PCDHB12: variants seen among roughly 807,000 people sequenced by gnomAD.
PCDHB12 encodes protocadherin beta 12, also known as protocadherin beta-12.
For synonymous variants in PCDHB12, 560 were observed against 445.2 expected (o/e 1.26, Z -3.24); for missense variants, 1,192 against 998.2 (o/e 1.19, Z -2.62).
In PCDHB12 at chr5:141,211,388, C is replaced by G. The variant is rs1754459326; in HGVS notation, c.*93C>G. On this transcript the variant is annotated 3_prime_UTR_variant, in exon 1 of 1. Transcript: ENST00000239450. The stretch of plus-strand genomic sequence containing the variant: ...TGTAAAGTAGTATTTTTGATCACTT[C>G]AAATACATACTCTTCAAGTCAAGAA... 5 of 1,178,152 alleles carry G rather than the reference C, an allele frequency of 4.2e-6. No individual in the cohort carries two copies. Among genetic ancestry groups the G allele is most frequent in the Non-Finnish European group, 6.1e-6 (5 of 817,586 alleles). The allele number at this position is 1,178,152 out of a possible 1,614,324, so 73.0% of individuals were successfully genotyped here.
chr5:141,210,353 C>G lies in PCDHB12; in HGVS notation c.1446C>G (p.Thr482=). 1.9e-6 allele frequency: 3 copies of G among 1,613,042 alleles called. No individual in the cohort carries two copies. The highest frequency in any genetic ancestry group is 2.5e-6 in the Non-Finnish European group (3 of 1,180,026). Residue 482 remains threonine, a synonymous_variant, in exon 1 of 1, where the codon ACC becomes ACG. Coordinates refer to ENST00000239450, the MANE Select transcript of PCDHB12 (RefSeq NM_018932.4). ...GCGCCACAGACAGAGACTCGGGCAC[C>G]AACGCCCAGGTCAACTACTCGCTGC... is the stretch of plus-strand genomic sequence containing the variant. ...SISATDRDSG[T]NAQVNYSLLP...
Position 141,209,729 on chromosome 5 carries a change from C to A in PCDHB12, c.822C>A (p.Asn274Lys), listed in dbSNP as rs782792458. 6.2e-7 allele frequency: 1 copy of A among 1,614,208 alleles called. No individual in the cohort carries two copies. Among genetic ancestry groups the A allele is most frequent in the Admixed American group, 1.7e-5 (1 of 60,022 alleles). ...CCTGGGATTTAGACTCTGGAACAAA[C>A]AGTGAACTATCCTATACCTTTTCCC... ...VSAWDLDSGT[N>K]SELSYTFSHA... Residue 274 changes from asparagine to lysine, a missense_variant, in exon 1 of 1, where the codon AAC becomes AAA. Physicochemically the swap from Asn to Lys is moderately conservative, Grantham distance 94. Coordinates refer to ENST00000239450, the MANE Select transcript of PCDHB12 (RefSeq NM_018932.4).
Position 141,210,648 on chromosome 5 carries a change from G to C in PCDHB12, c.1741G>C (p.Glu581Gln). The C allele has an allele frequency of 6.2e-7, 1 of 1,611,214 alleles. No individual in the cohort carries two copies. Among genetic ancestry groups the C allele is most frequent in the Non-Finnish European group, 8.5e-7 (1 of 1,179,740 alleles). The change falls in exon 1 of 1, where the codon GAG becomes CAG. Residue 581 changes from glutamate (E) to glutamine (Q), a missense_variant. Coordinates refer to ENST00000239450, the MANE Select transcript of PCDHB12 (RefSeq NM_018932.4). Reference sequence around the variant, plus strand: ...CACCGAGCTGGTGCCCTGGGCGGCCGAGCCGGGCTACCTGGTGACCAAGGT... The same window carrying C: ...CACCGAGCTGGTGCCCTGGGCGGCCCAGCCGGGCTACCTGGTGACCAAGGT... ...PCTELVPWAAEPGYLVTKVVA... is the reference protein window; with the variant it reads ...PCTELVPWAAQPGYLVTKVVA...
rs552351163 is a variant in PCDHB12, at chr5:141,210,367, A to G, written c.1460A>G (p.Asn487Ser). ...GACTCGGGCACCAACGCCCAGGTCA[A>G]CTACTCGCTGCTGCCGTCCCAGGAC... ...DRDSGTNAQVNYSLLPSQDPH... is the reference protein window; with the variant it reads ...DRDSGTNAQVSYSLLPSQDPH... Residue 487 changes from asparagine to serine, a missense_variant, in exon 1 of 1, where the codon AAC (asparagine) becomes AGC (serine). Physicochemically the swap from Asn to Ser is conservative, Grantham distance 46. Coordinates refer to ENST00000239450, the MANE Select transcript of PCDHB12 (RefSeq NM_018932.4). 7 of 1,613,018 alleles carry G rather than the reference A, an allele frequency of 4.3e-6. No homozygotes were observed. Among genetic ancestry groups the G allele is most frequent in the Admixed American group, 1.7e-5 (1 of 60,030 alleles).
At position 141,211,620 on chromosome 5, in the gene PCDHB12, G is replaced by T; in HGVS notation, c.*325G>T. 2.9e-6 allele frequency: 1 copy of T among 347,770 alleles called. No homozygotes were observed. Among genetic ancestry groups the T allele is most frequent in the Non-Finnish European group, 5.6e-6 (1 of 178,682 alleles). The allele number at this position is 347,770 out of a possible 1,614,324, so 21.5% of individuals were successfully genotyped here. On this transcript the variant is annotated 3_prime_UTR_variant, in exon 1 of 1. Transcript: ENST00000239450. ...TTTTGTTTTCTGAGTTGATTAGAAT[G>T]CTGTTCGAGTATACCTACCCTAGTT...
Position 141,210,080 on chromosome 5 carries a change from C to A in PCDHB12, c.1173C>A (p.Phe391Leu). The A allele has an allele frequency of 6.2e-7, 1 of 1,614,190 alleles. No homozygotes were observed. The highest frequency in any genetic ancestry group is 8.5e-7 in the Non-Finnish European group (1 of 1,180,040). Residue 391 changes from phenylalanine (F) to leucine (L), a missense_variant, in exon 1 of 1, where the codon TTC (phenylalanine) becomes TTA (leucine). Physicochemically the swap from Phe to Leu is conservative, Grantham distance 22. Transcript: ENST00000239450. ...GTTCTATCCCGGAGGACATCCCATT[C>A]GTGCTAAAATCTTCGGTAAATAATT... ...MVCSIPEDIP[F>L]VLKSSVNNYY...
Position 141,210,573 on chromosome 5 carries a change from G to T in PCDHB12, c.1666G>T (p.Asp556Tyr). Residue 556 changes from aspartate to tyrosine, a missense_variant, in exon 1 of 1, where the codon GAC (aspartate) becomes TAC (tyrosine). Transcript: ENST00000239450. ...GCGCGTGCTGGTGCTGGACGCCAAC[G>T]ACAACTCGCCCTTCGTGCTGTACCC... is the stretch of plus-strand genomic sequence containing the variant. Reference protein sequence around the residue: ...LVRVLVLDANDNSPFVLYPLQ... With the variant: ...LVRVLVLDANYNSPFVLYPLQ... 6 of 1,611,674 alleles carry T rather than the reference G, an allele frequency of 3.7e-6. No individual in the cohort carries two copies. The highest frequency in any genetic ancestry group is 1.1e-5 in the South Asian group (1 of 90,968).
rs1754358502 is a variant in PCDHB12, at chr5:141,208,871, T to C, written c.-37T>C. ...CAACTGCGAAGAGGCGCTGAGGCAATTCTGCAAGAAGATTTTGGGGTTTTG... is the reference window on the plus strand; with the variant it reads ...CAACTGCGAAGAGGCGCTGAGGCAACTCTGCAAGAAGATTTTGGGGTTTTG... On this transcript the variant is annotated 5_prime_UTR_variant, in exon 1 of 1. Transcript: ENST00000239450. The C allele has an allele frequency of 5.3e-6, 8 of 1,506,210 alleles. No individual in the cohort carries two copies. Among genetic ancestry groups the C allele is most frequent in the Non-Finnish European group, 6.2e-6 (7 of 1,128,770 alleles). The allele number at this position is 1,506,210 out of a possible 1,614,324, so 93.3% of individuals were successfully genotyped here.
chr5:141,208,819 G>C lies in PCDHB12; in HGVS notation c.-89G>C, dbSNP rs782222529. The C allele has an allele frequency of 1.8e-5, 21 of 1,177,370 alleles. 2 individuals carry two copies. The South Asian group carries it at 3.4e-4, about 19-fold the overall frequency. 72.9% of individuals were successfully genotyped at this position (1,177,370 alleles called of 1,614,324 possible). ...AAATCTTCAGGCTTCCGAGGATTTG[G>C]TAGACAGATCAGAGGCACGTTTCCC... On this transcript the variant is annotated 5_prime_UTR_variant, in exon 1 of 1. Transcript: ENST00000239450.
chr5:141,209,337 G>C lies in PCDHB12; in HGVS notation c.430G>C (p.Glu144Gln). 1.2e-6 allele frequency: 2 copies of C among 1,614,202 alleles called. No homozygotes were observed. Among genetic ancestry groups the C allele is most frequent in the Middle Eastern group, 1.6e-4 (1 of 6,062 alleles). ...LEKEMLLEIP[E>Q]NSPVGAVFLL... ...AAAAGAAATGCTCTTAGAAATCCCA[G>C]AGAACAGTCCTGTTGGTGCTGTGTT... The change falls in exon 1 of 1, where the codon GAG becomes CAG. Residue 144 changes from glutamate (E) to glutamine (Q), a missense_variant. Transcript: ENST00000239450.
In PCDHB12 at chr5:141,211,477, A is replaced by C. The variant is rs1554287230; in HGVS notation, c.*182A>C. Reference sequence around the variant, plus strand: ...CCAAGAACACTTCACAAAGCAGGAAATGTGCATGTGTAATGGTTTATGTCA... The same window carrying C: ...CCAAGAACACTTCACAAAGCAGGAACTGTGCATGTGTAATGGTTTATGTCA... On this transcript the variant is annotated 3_prime_UTR_variant, in exon 1 of 1. Transcript: ENST00000239450. 1.4e-6 allele frequency: 1 copy of C among 724,558 alleles called. No homozygotes were observed. The highest frequency in any genetic ancestry group is 2.4e-6 in the Non-Finnish European group (1 of 411,234). The allele number at this position is 724,558 out of a possible 1,614,324, so 44.9% of individuals were successfully genotyped here.
In PCDHB12 at chr5:141,210,237, G is replaced by C; in HGVS notation, c.1330G>C (p.Val444Leu). ...EHNITVLVSD[V>L]NDNAPAFTQT... ...CAACATAACCGTGCTGGTCTCCGAC[G>C]TCAATGACAACGCCCCCGCCTTCAC... Residue 444 changes from valine to leucine, a missense_variant, in exon 1 of 1, where the codon GTC (valine) becomes CTC (leucine). Transcript: ENST00000239450. 6.2e-7 allele frequency: 1 copy of C among 1,614,152 alleles called. No individual in the cohort carries two copies. Among genetic ancestry groups the C allele is most frequent in the Non-Finnish European group, 8.5e-7 (1 of 1,180,028 alleles).
At position 141,209,961 on chromosome 5, in the gene PCDHB12, A is replaced by C. The variant is rs782669771; in HGVS notation, c.1054A>C (p.Ile352Leu). 1.2e-6 allele frequency: 2 copies of C among 1,614,196 alleles called. No homozygotes were observed. Among genetic ancestry groups the C allele is most frequent in the East Asian group, 4.5e-5 (2 of 44,886 alleles). The change falls in exon 1 of 1, where the codon ATT becomes CTT. Residue 352 changes from isoleucine to leucine, a missense_variant. Physicochemically the swap from Ile to Leu is conservative, Grantham distance 5. Transcript: ENST00000239450. ...CGCTCCTGAAATCACTGTGTCATCA[A>C]TTACCAGTCCAATCCCAGAAAACAC... is the stretch of plus-strand genomic sequence containing the variant. Reference protein sequence around the residue: ...DNAPEITVSSITSPIPENTPE... With the variant: ...DNAPEITVSSLTSPIPENTPE...
chr5:141,211,229 C>G lies in PCDHB12; in HGVS notation c.2322C>G (p.Phe774Leu). 3 of 1,613,938 alleles carry G rather than the reference C, an allele frequency of 1.9e-6. No homozygotes were observed. Among genetic ancestry groups the G allele is most frequent in the Non-Finnish European group, 2.5e-6 (3 of 1,179,860 alleles). The change falls in exon 1 of 1, where the codon TTC becomes TTG. Residue 774 changes from phenylalanine to leucine, a missense_variant. Coordinates refer to ENST00000239450, the MANE Select transcript of PCDHB12 (RefSeq NM_018932.4). Reference protein sequence around the residue: ...FKFLKPIIPNFLPQSTGSEVE... With the variant: ...FKFLKPIIPNLLPQSTGSEVE... ...TTCTGAAACCAATTATCCCCAACTT[C>G]CTACCCCAGAGCACAGGTAGTGAAG...
Position 141,208,996 on chromosome 5 carries a change from C to A in PCDHB12, c.89C>A (p.Thr30Asn). The change falls in exon 1 of 1, where the codon ACT (threonine) becomes AAT (asparagine). Residue 30 changes from threonine to asparagine, a missense_variant. Thr to Asn is a moderately conservative substitution (Grantham distance 65). Coordinates refer to ENST00000239450, the MANE Select transcript of PCDHB12 (RefSeq NM_018932.4). ...GGAATGTCTCAGGCGGGCTCTGAAACTGGGAACTTTTTGGTGATGGAGGAA... is the reference window on the plus strand; with the variant it reads ...GGAATGTCTCAGGCGGGCTCTGAAAATGGGAACTTTTTGGTGATGGAGGAA... ...LLGMSQAGSE[T>N]GNFLVMEELQ... The A allele has an allele frequency of 6.2e-7, 1 of 1,603,242 alleles. No homozygotes were observed. The highest frequency in any genetic ancestry group is 8.5e-7 in the Non-Finnish European group (1 of 1,175,758).
rs781864702 is a variant in PCDHB12, at chr5:141,210,168, A to G, written c.1261A>G (p.Ile421Val). The G allele has an allele frequency of 6.2e-7, 1 of 1,614,138 alleles. No individual in the cohort carries two copies. Among genetic ancestry groups the G allele is most frequent in the African/African-American group, 1.3e-5 (1 of 75,044 alleles). The change falls in exon 1 of 1, where the codon ATC becomes GTC. Residue 421 changes from isoleucine (I) to valine (V), a missense_variant. By Grantham distance (29) the Ile-to-Val change is conservative. Transcript: ENST00000239450. ...GAGCAGAGCCGAGTACAACATCACC[A>G]TCACCGTCACCGACTTGGGGACCCC... is the stretch of plus-strand genomic sequence containing the variant. ...RESRAEYNITITVTDLGTPRL... is the reference protein window; with the variant it reads ...RESRAEYNITVTVTDLGTPRL...
chr5:141,209,948 C>T lies in PCDHB12; in HGVS notation c.1041C>T (p.Ile347=), dbSNP rs1430889554. 1 of 1,614,176 alleles carries T rather than the reference C, an allele frequency of 6.2e-7. No individual in the cohort carries two copies. Among genetic ancestry groups the T allele is most frequent in the Non-Finnish European group, 8.5e-7 (1 of 1,180,028 alleles). The change falls in exon 1 of 1, where the codon ATC becomes ATT. Residue 347 remains isoleucine (I), a synonymous_variant. Transcript: ENST00000239450. ...ATGTAAACGACAACGCTCCTGAAAT[C>T]ACTGTGTCATCAATTACCAGTCCAA... ...VMDVNDNAPE[I]TVSSITSPIP...
rs782206219 is a variant in PCDHB12 at position 141,210,720 on chromosome 5, C to T, written c.1813C>T (p.Gln605Ter). 1.2e-6 allele frequency: 2 copies of T among 1,608,514 alleles called. No homozygotes were observed. The highest frequency in any genetic ancestry group is 2.7e-5 in the African/African-American group (2 of 74,862). Reference protein sequence around the residue: ...DSGQNAWLSYQLLKATEPGLF... With the variant: ...DSGQNAWLSY ...GGGCCAGAACGCCTGGCTGTCGTACCAGCTGCTCAAGGCCACGGAGCCCGG... is the reference window on the plus strand; with the variant it reads ...GGGCCAGAACGCCTGGCTGTCGTACTAGCTGCTCAAGGCCACGGAGCCCGG... The change falls in exon 1 of 1, where the codon CAG becomes TAG. Residue 605 changes from glutamine (Q) to a stop codon, truncating the protein, a stop_gained. Coordinates refer to ENST00000239450, the MANE Select transcript of PCDHB12 (RefSeq NM_018932.4). LOFTEE classifies it low-confidence loss of function (END_TRUNC).
chr5:141,210,113 T>C lies in PCDHB12; in HGVS notation c.1206T>C (p.Thr402=). 1 of 1,614,106 alleles carries C rather than the reference T, an allele frequency of 6.2e-7. No individual in the cohort carries two copies. The highest frequency in any genetic ancestry group is 8.5e-7 in the Non-Finnish European group (1 of 1,180,020). ...AATCTTCGGTAAATAATTACTACAC[T>C]TTGGAAACAGAGAGACCGCTGGACA... ...VLKSSVNNYY[T]LETERPLDRE... The change falls in exon 1 of 1, where the codon ACT becomes ACC. Residue 402 remains threonine, a synonymous_variant. Transcript: ENST00000239450.
Sources: gnomAD v4.1 joint callset for allele counts on GRCh38, gnomAD v4.1.1 for gene constraint, MANE v1.5 for transcripts, NCBI Gene and HGNC (gene_info 2026-07-23, HGNC 2026-07-21) for gene names.